UBE3A: variants seen among roughly 807,000 people sequenced by gnomAD.
UBE3A encodes ubiquitin-protein ligase E3A.
In UBE3A, 6 loss-of-function variants were observed where a neutral mutation model predicts 83.4. That is an observed-to-expected ratio of 0.07 (90% CI 0.04 to 0.14). The LOEUF (loss-of-function observed/expected upper bound fraction) is 0.14, where lower values mean the gene tolerates loss of function less well. UBE3A is among the 10% of genes least tolerant of loss of function. The pLI, the probability that UBE3A is intolerant of heterozygous loss-of-function variation, is 1.00. For synonymous variants in UBE3A, 337 were observed against 355.4 expected, an observed-to-expected ratio of 0.95 and a Z score of 0.58; for missense variants, 456 against 1,036.1, an observed-to-expected ratio of 0.44 and a Z score of 7.69.
At chr15:25,389,756 T>C (rs2083906530) in intron 4 of UBE3A, among the ~76,000 whole-genome samples, 2 of 152,008 alleles carry the variant, frequency 1.3e-5, no homozygotes, top group African/African-American at 2.4e-5. Context: ...GGTGTGGTGG[T>C]GCACGGGTAT....
chr15:25,367,446 G>C (rs1038192581), intron 6 of UBE3A, among the ~76,000 whole-genome samples: 2 of 151,870 alleles, frequency 1.3e-5, no homozygotes, highest in Non-Finnish European at 2.9e-5. Context: ...TGTTTTCTAA[G>C]GAACAATAAC....
chr15:25,433,500 A>G (rs565126651), intron 1 of UBE3A, among the ~76,000 whole-genome samples: 1 of 152,260 alleles, frequency 6.6e-6, no homozygotes, highest in South Asian at 2.1e-4. Flanking sequence ...AAAAGCTCTT[A>G]ATCTACATTT....
At chr15:25,387,007 A>G (rs1347307236) in intron 4 of UBE3A, among the ~76,000 whole-genome samples, 1 of 152,192 alleles carries the variant, frequency 6.6e-6, no homozygotes, top group African/African-American at 2.4e-5. Context: ...AAAACCTTTT[A>G]TTTTTCTTAT....
chr15:25,357,070 T>C (rs1000392829), intron 7 of UBE3A, among the ~76,000 whole-genome samples, 174 bp from the exon 8 acceptor site: 8 of 152,310 alleles, frequency 5.3e-5, no homozygotes, highest in Admixed American at 1.3e-4. Context: ...TGTCCACATA[T>C]ATCTGCTATA....
At chr15:25,378,484 TTA>T (rs2081600620) in intron 4 of UBE3A, among the ~76,000 whole-genome samples, 1 of 152,128 alleles carries the variant, frequency 6.6e-6, no homozygotes, top group Non-Finnish European at 1.5e-5. Flanking sequence ...TGATAACTTA[TTA>T]CACACACTGC....
intron 11 of UBE3A, among the ~76,000 whole-genome samples, chr15:25,349,995 G>C: frequency 6.6e-6 from 1 of 152,220 alleles, no homozygotes; most frequent in East Asian, 1.9e-4. Flanking sequence ...GCTGGGTGCA[G>C]TGGCTCACGC....
chr15:25,405,403 T>G, intron 4 of UBE3A, 58 bp downstream of exon 4: 1 of 1,556,160 alleles, frequency 6.4e-7, no homozygotes, highest in Admixed American at 1.7e-5. Context: ...TGACGTAATT[T>G]AAAGCAGTCT....
At chr15:25,340,999 A>G (rs190771538) in intron 11 of UBE3A, among the ~76,000 whole-genome samples, 286 of 152,342 alleles carry the variant, frequency 1.9e-3, no homozygotes, top group African/African-American at 4.9e-3. Flanking sequence ...ACAAGCTCAT[A>G]AAGTGCAATC....
rs2080174314 is a variant in UBE3A at position 25,370,611 on chromosome 15, T to C, written c.1563A>G (p.Arg521=). Residue 521 remains arginine (R), a synonymous_variant, in exon 6 of 13, where the codon AGA becomes AGG. Coordinates refer to ENST00000648336, the MANE Select transcript of UBE3A (RefSeq NM_130839.5). This position sits in a 1 kb window ranked among gnomAD's most constrained non-coding sequence, Gnocchi z 4.2. ...VQGQQLNPYL[R]LKVRRDHIID... ...TGATATGGTCACGTCTAACTTTGAG[T>C]CTCAAATATGGATTCAACTGCTGTC... 3 of 1,613,922 alleles carry C rather than the reference T, an allele frequency of 1.9e-6. No individual in the cohort carries two copies. The South Asian group carries it at 3.3e-5, about 18-fold the overall frequency.
intron 8 of UBE3A, 58 bp from the exon 9 acceptor site, chr15:25,356,114 A>G (rs1242880115): frequency 6.3e-7 from 1 of 1,575,344 alleles, no homozygotes; most frequent in East Asian, 2.2e-5. Flanking sequence ...ACAACAAATA[A>G]TTTATATCAC....
intron 4 of UBE3A, among the ~76,000 whole-genome samples, chr15:25,402,329 A>G (rs1023202572): frequency 6.6e-6 from 1 of 152,198 alleles, no homozygotes; most frequent in African/African-American, 2.4e-5. Flanking sequence ...CTGGTCTACT[A>G]GAGTGAGCCT....
chr15:25,340,280 G>A, intron 11 of UBE3A, 52 bp from the exon 12 acceptor site: 1 of 1,569,744 alleles, frequency 6.4e-7, no homozygotes, highest in South Asian at 1.1e-5. Flanking sequence ...ATTATGACTG[G>A]TACTAACATA....
rs2073833642 is a variant in UBE3A at position 25,333,790 on chromosome 15, G to A, written c.*5347C>T. On this transcript the variant is annotated 3_prime_UTR_variant, in exon 13 of 13. Coordinates refer to ENST00000648336, the MANE Select transcript of UBE3A (RefSeq NM_130839.5). ...ACTGAGATTATCCCAGGAATGCAAA[G>A]TTAATTCAATATACAAAAGTCCATT... The A allele has an allele frequency of 6.7e-6, 1 of 149,104 alleles. No individual in the cohort carries two copies. Among genetic ancestry groups the A allele is most frequent in the African/African-American group, 2.5e-5 (1 of 40,204 alleles). 9.2% of individuals were successfully genotyped at this position (149,104 alleles called of 1,614,324 possible).
intron 7 of UBE3A, among the ~76,000 whole-genome samples, chr15:25,358,717 T>C (rs1010128006): frequency 6.6e-6 from 1 of 152,186 alleles, no homozygotes; most frequent in Non-Finnish European, 1.5e-5. Flanking sequence ...TTTAACATGT[T>C]TCCTTGATCA....
rs1401861736 is a variant in UBE3A at position 25,334,217 on chromosome 15, T to C, written c.*4920A>G. On this transcript the variant is annotated 3_prime_UTR_variant, in exon 13 of 13. Transcript: ENST00000648336. ...ATACTAAGTGACAAAAAAAGAATTT[T>C]AGAAAAGCTACAATATACAAAATCA... The C allele has an allele frequency of 1.3e-5, 2 of 152,098 alleles. No individual in the cohort carries two copies. Among genetic ancestry groups the C allele is most frequent in the African/African-American group, 4.8e-5 (2 of 41,432 alleles). The allele number at this position is 152,098 out of a possible 1,614,324, so 9.4% of individuals were successfully genotyped here. A position where few individuals can be genotyped will look rare whatever the true frequency, so the allele number is the denominator to read the frequency against.
In UBE3A at chr15:25,341,049, T is replaced by C. The variant is rs115938624; in HGVS notation, c.2355-821A>G. ...AATAATCAGGCATCTATAAAACATA[T>C]ATACACTAGTTCATAGCTAAATAAA... is the stretch of plus-strand genomic sequence containing the variant. On this transcript the variant is annotated intron_variant, in intron 11 of 12. Coordinates refer to ENST00000648336, the MANE Select transcript of UBE3A (RefSeq NM_130839.5). 4.5e-3 allele frequency among the ~76,000 whole-genome samples: 680 copies of C among 152,274 alleles called. 2 individuals carry two copies. Among genetic ancestry groups the C allele is most frequent in the African/African-American group, 0.014 (585 of 41,560 alleles).
At position 25,422,183 on chromosome 15, in the gene UBE3A, AAG is replaced by A. The variant is rs373516325; in HGVS notation, c.-164-10214_-164-10213del. Among the ~76,000 whole-genome samples, 228 of 152,312 alleles carry A rather than the reference AAG, an allele frequency of 1.5e-3. 1 individual carries two copies. Among genetic ancestry groups the A allele is most frequent in the African/African-American group, 4.6e-3 (192 of 41,570 alleles). ...GCCAAGTGAAAGAAACCAGGCATGG[AAG>A]AGTACATGTTACTTGATTCCATGGA... On this transcript the variant is annotated intron_variant, in intron 1 of 12. Transcript: ENST00000648336.
At chr15:25,360,597 A>G in intron 6 of UBE3A, 70 bp from the exon 7 acceptor site, 1 of 1,543,836 alleles carries the variant, frequency 6.5e-7, no homozygotes, top group African/African-American at 1.4e-5. Context: ...AAATAAAAAC[A>G]AGGAGTAGGA....
intron 6 of UBE3A, among the ~76,000 whole-genome samples, chr15:25,367,215 AAAT>A (rs2079345025): frequency 2.6e-5 from 2 of 76,468 alleles, no homozygotes; most frequent in South Asian, 3.7e-4. Context: ...GTAAATATGT[AAAT>A]ATTTACATAT....
Sources: gnomAD v4.1 joint callset for allele counts (sites outside exome capture counted in the v4.1 genomes callset) on GRCh38, gnomAD v4.1.1 for gene constraint, Gnocchi (gnomAD v3.1) non-coding constraint, MANE v1.5 for transcripts, NCBI Gene and HGNC (gene_info 2026-07-23, HGNC 2026-07-21) for gene names.